RESF1: variants seen among roughly 807,000 people sequenced by gnomAD.
RESF1 encodes gonad expressed transcript.
Under a neutral mutation model 134.7 loss-of-function variants are expected in RESF1, and 65 were observed. That is an observed-to-expected ratio of 0.48 (90% CI 0.40 to 0.59). The LOEUF is 0.59. Among genes scored for constraint, RESF1 ranks in the 20% least tolerant of loss-of-function variants. The pLI, the probability that RESF1 is intolerant of heterozygous loss-of-function variation, is 0.00. For synonymous variants in RESF1, 762 were observed against 702.2 expected (o/e 1.09, Z -1.35); for missense variants, 2,274 against 2,002.7 (o/e 1.14, Z -2.59).
chr12:31,985,313 A>G lies in RESF1; in HGVS notation c.4358A>G (p.Gln1453Arg), dbSNP rs752734929. ...ILTPKEYLQRQKHKEALSNKA... is the reference protein window; with the variant it reads ...ILTPKEYLQRRKHKEALSNKA... Reference sequence around the variant, plus strand: ...ACTCCTAAGGAGTATTTACAAAGGCAGAAGCATAAAGAAGCTCTGAGTAAT... The same window carrying G: ...ACTCCTAAGGAGTATTTACAAAGGCGGAAGCATAAAGAAGCTCTGAGTAAT... Residue 1453 changes from glutamine to arginine, a missense_variant, in exon 4 of 6, where the codon CAG (glutamine) becomes CGG (arginine). By Grantham distance (43) the Gln-to-Arg change is conservative. Transcript: ENST00000312561. 4.3e-6 allele frequency: 7 copies of G among 1,611,970 alleles called. No individual in the cohort carries two copies. The highest frequency in any genetic ancestry group is 1.3e-5 in the African/African-American group (1 of 74,806).
chr12:31,964,298 G>A (rs1053461824), intron 2 of RESF1, among the ~76,000 whole-genome samples: 1 of 151,314 alleles, frequency 6.6e-6, no homozygotes, highest in African/African-American at 2.4e-5. Context: ...CTCCTCCCAC[G>A]CTTTGCCTGC....
chr12:31,972,605 CAAAAAAAAA>C (rs71064904), intron 3 of RESF1, among the ~76,000 whole-genome samples: 1 of 109,194 alleles, frequency 9.2e-6, no homozygotes, highest in Non-Finnish European at 1.8e-5. Context: ...GACTCCGTCT[CAAAAAAAAA>C]AAAAAAAAAA....
chr12:31,963,637 C>T (rs1163664563), intron 2 of RESF1, among the ~76,000 whole-genome samples: 1 of 151,768 alleles, frequency 6.6e-6, no homozygotes, highest in African/African-American at 2.4e-5. Flanking sequence ...TTAGTATATT[C>T]AGAGTTGTGC....
intron 5 of RESF1, among the ~76,000 whole-genome samples, chr12:31,991,210 A>C (rs990669736): frequency 2.0e-5 from 3 of 151,374 alleles, no homozygotes; most frequent in Admixed American, 6.6e-5. Flanking sequence ...AAAAAAAAAA[A>C]CCCACAGGAG....
At chr12:31,975,818 C>A (rs941964754) in intron 3 of RESF1, among the ~76,000 whole-genome samples, 1 of 152,138 alleles carries the variant, frequency 6.6e-6, no homozygotes. Context: ...ATTTTTGTTA[C>A]TATAGTGTTT....
In RESF1 at chr12:31,984,346, T is replaced by G; in HGVS notation, c.3391T>G (p.Leu1131Val). ...QDDQPYVVDK[L>V]AEPQKEEPIT... ...TGATCAACCCTATGTAGTAGACAAG[T>G]TGGCAGAACCTCAGAAAGAAGAGCC... The change falls in exon 4 of 6, where the codon TTG becomes GTG. Residue 1131 changes from leucine to valine, a missense_variant. Coordinates refer to ENST00000312561, the MANE Select transcript of RESF1 (RefSeq NM_018169.4). The G allele has an allele frequency of 6.2e-7, 1 of 1,614,052 alleles. No homozygotes were observed. The highest frequency in any genetic ancestry group is 8.5e-7 in the Non-Finnish European group (1 of 1,179,996).
At chr12:31,960,330 C>T (rs1273100961) in intron 1 of RESF1, among the ~76,000 whole-genome samples, 5 of 151,976 alleles carry the variant, frequency 3.3e-5, no homozygotes. Context: ...CATTTAGTGG[C>T]GGGCGGGTGC....
rs1156740381 is a variant in RESF1 at position 31,983,521 on chromosome 12, C to G, written c.2566C>G (p.Gln856Glu). 1.2e-6 allele frequency: 2 copies of G among 1,613,934 alleles called. No homozygotes were observed. Among genetic ancestry groups the G allele is most frequent in the African/African-American group, 2.7e-5 (2 of 74,922 alleles). Residue 856 changes from glutamine to glutamate, a missense_variant, in exon 4 of 6, where the codon CAA (glutamine) becomes GAA (glutamate). Gln to Glu is a conservative substitution (Grantham distance 29). Coordinates refer to ENST00000312561, the MANE Select transcript of RESF1 (RefSeq NM_018169.4). ...TTCAGAAGTCACACCTAATGTCAAT[C>G]AAGGAAAGCATAACAAATTAGAGTC... ...GNSEVTPNVN[Q>E]GKHNKLESAI...
intron 2 of RESF1, among the ~76,000 whole-genome samples, chr12:31,963,659 C>CT (rs35093160): frequency 0.11 from 16,818 of 152,178 alleles, 1,072 homozygotes; most frequent in East Asian, 0.22. Flanking sequence ...CCCATCACCA[C>CT]GTCAATTTAA....
intron 3 of RESF1, among the ~76,000 whole-genome samples, chr12:31,978,606 C>T (rs1386260765): frequency 2.6e-5 from 4 of 151,410 alleles, no homozygotes; most frequent in South Asian, 2.1e-4. Context: ...AGTGTAGTGG[C>T]GCAATCTCAG....
chr12:31,963,342 C>CAAAA (rs35032861), intron 2 of RESF1, among the ~76,000 whole-genome samples: 1 of 123,350 alleles, frequency 8.1e-6, no homozygotes, highest in Non-Finnish European at 1.8e-5. Context: ...GAGACTGTCT[C>CAAAA]AAAAAAAAAA....
chr12:31,981,185 A>G lies in RESF1; in HGVS notation c.230A>G (p.Asp77Gly). The G allele has an allele frequency of 6.2e-7, 1 of 1,614,090 alleles. No individual in the cohort carries two copies. Among genetic ancestry groups the G allele is most frequent in the Non-Finnish European group, 8.5e-7 (1 of 1,179,964 alleles). The change falls in exon 4 of 6, where the codon GAT (aspartate) becomes GGT (glycine). Residue 77 changes from aspartate to glycine, a missense_variant. Physicochemically the swap from Asp to Gly is moderately conservative, Grantham distance 94. Coordinates refer to ENST00000312561, the MANE Select transcript of RESF1 (RefSeq NM_018169.4). ...TATCCTCAACAAATTTCTGTTTCTG[A>G]TATGCATAATGGGACAGTTGTGGCC... Reference protein sequence around the residue: ...QNYPQQISVSDMHNGTVVASH... With the variant: ...QNYPQQISVSGMHNGTVVASH...
intron 2 of RESF1, among the ~76,000 whole-genome samples, chr12:31,964,879 T>C (rs1939363360): frequency 6.6e-6 from 1 of 152,220 alleles, no homozygotes; most frequent in South Asian, 2.1e-4. Context: ...GAGGGTTTAC[T>C]CCTGGGTTCT....
chr12:31,981,699 G>C lies in RESF1; in HGVS notation c.744G>C (p.Gln248His), dbSNP rs1939796371. 16 of 1,613,658 alleles carry C rather than the reference G, an allele frequency of 9.9e-6. No individual in the cohort carries two copies. The highest frequency in any genetic ancestry group is 1.2e-5 in the Non-Finnish European group (14 of 1,179,996). The change falls in exon 4 of 6, where the codon CAG becomes CAC. Residue 248 changes from glutamine to histidine, a missense_variant. Gln to His is a conservative substitution (Grantham distance 24, BLOSUM62 0). Coordinates refer to ENST00000312561, the MANE Select transcript of RESF1 (RefSeq NM_018169.4). ...CATCATTGCAAGTTAAAAATAGTCA[G>C]CTTCTAAATTCTGTATTAACTTTAC... ...PHTSLQVKNSQLLNSVLTLPS... is the reference protein window; with the variant it reads ...PHTSLQVKNSHLLNSVLTLPS...
intron 2 of RESF1, among the ~76,000 whole-genome samples, chr12:31,962,219 T>TA (rs1205892972): frequency 1.5e-5 from 2 of 131,206 alleles, no homozygotes; most frequent in Non-Finnish European, 1.6e-5. Context: ...TTCTGTCTTT[T>TA]TAAAAAAAAA....
chr12:31,981,798 T>TA lies in RESF1; in HGVS notation c.843_844insA (p.Tyr282IlefsTer4). 6.2e-7 allele frequency: 1 copy of TA among 1,613,846 alleles called. No individual in the cohort carries two copies. The highest frequency in any genetic ancestry group is 8.5e-7 in the Non-Finnish European group (1 of 1,179,870). On this transcript the variant is annotated frameshift_variant, in exon 4 of 6. Coordinates refer to ENST00000312561, the MANE Select transcript of RESF1 (RefSeq NM_018169.4). LOFTEE classifies it high-confidence loss of function. ...CTGACAAAAGACCTCCTCCTCCTCC[T>TA]TACAACTGTAGATATGGAAGCCAGC... is the stretch of plus-strand genomic sequence containing the variant.
In RESF1 at chr12:31,970,339, A is replaced by C. The variant is rs757885497; in HGVS notation, c.-96A>C. The C allele has an allele frequency of 1.3e-4, 20 of 152,212 alleles. No homozygotes were observed. Among genetic ancestry groups the C allele is most frequent in the Admixed American group, 9.8e-4 (15 of 15,274 alleles). 9.4% of individuals were successfully genotyped at this position (152,212 alleles called of 1,614,324 possible). ...GAAGTCTACTAATGGACAGTTAGTC[A>C]CCCACCTACATGTTGAGGTACTCTG... On this transcript the variant is annotated 5_prime_UTR_variant, in exon 3 of 6. Coordinates refer to ENST00000312561, the MANE Select transcript of RESF1 (RefSeq NM_018169.4).
Position 31,983,726 on chromosome 12 carries a change from A to G in RESF1, c.2771A>G (p.Gln924Arg). 1 of 1,613,918 alleles carries G rather than the reference A, an allele frequency of 6.2e-7. No individual in the cohort carries two copies. The highest frequency in any genetic ancestry group is 8.5e-7 in the Non-Finnish European group (1 of 1,180,016). The change falls in exon 4 of 6, where the codon CAG becomes CGG. Residue 924 changes from glutamine (Q) to arginine (R), a missense_variant. Physicochemically the swap from Gln to Arg is conservative, Grantham distance 43. Transcript: ENST00000312561. Reference sequence around the variant, plus strand: ...CTTCCCTTGAAAATGGTTGAGCCACAGAAACCTTCTCTACCCAATCAGCAA... The same window carrying G: ...CTTCCCTTGAAAATGGTTGAGCCACGGAAACCTTCTCTACCCAATCAGCAA... ...SSLPLKMVEP[Q>R]KPSLPNQQGI... is the part of the protein sequence containing the mutation.
In RESF1 at chr12:31,987,421, C is replaced by T. The variant is rs536802502; in HGVS notation, c.5086+99C>T. On this transcript the variant is annotated intron_variant, in intron 5 of 5. Coordinates refer to ENST00000312561, the MANE Select transcript of RESF1 (RefSeq NM_018169.4). The stretch of plus-strand genomic sequence containing the variant: ...TATGATTGTAAAGTATGATTTTATC[C>T]ATGTTCTTTTTTTTTTTTCAGTCAT... The T allele has an allele frequency of 2.7e-5, 18 of 674,058 alleles. No individual in the cohort carries two copies. In the South Asian group the frequency reaches 3.4e-4, roughly 13 times the overall value. The allele number at this position is 674,058 out of a possible 1,614,324, so 41.8% of individuals were successfully genotyped here. A position where few individuals can be genotyped will look rare whatever the true frequency, so the allele number is the denominator to read the frequency against.
Sources: allele counts gnomAD v4.1 joint callset (sites outside exome capture counted in the v4.1 genomes callset), GRCh38; gene constraint gnomAD v4.1.1; transcripts MANE v1.5; gene names NCBI Gene and HGNC (gene_info 2026-07-23, HGNC 2026-07-21).